HEMK2: variants seen among roughly 807,000 people sequenced by gnomAD.
HEMK2 encodes methyltransferase HEMK2.
chr21:28,642,489 T>A, the HEMK2 span, among the ~76,000 whole-genome samples: 1 of 152,122 alleles, frequency 6.6e-6, no homozygotes, highest in Non-Finnish European at 1.5e-5. Context: ...TTACTACCAA[T>A]CCTCTTTCAG....
chr21:28,856,953 T>TAGGAAAGTGGCTGAAGCCAGGG, the HEMK2 span, among the ~76,000 whole-genome samples: 1 of 152,090 alleles, frequency 6.6e-6, no homozygotes, highest in Non-Finnish European at 1.5e-5. Context: ...TTCATTCCCC[T>TAGGAAAGTGGCTGAAGCCAGGG]AGGAAAGTGG....
At chr21:28,768,524 C>T in the HEMK2 span, among the ~76,000 whole-genome samples, 1 of 152,072 alleles carries the variant, frequency 6.6e-6, no homozygotes, top group Non-Finnish European at 1.5e-5. Flanking sequence ...ACCTTATTCT[C>T]CCTTTCCTCA....
At chr21:28,659,965 A>G in the HEMK2 span, among the ~76,000 whole-genome samples, 1 of 152,024 alleles carries the variant, frequency 6.6e-6, no homozygotes, top group Admixed American at 6.6e-5. Context: ...CTTTCTATTT[A>G]TTAGATCCTT....
At chr21:28,607,283 C>T in the HEMK2 span, among the ~76,000 whole-genome samples, 3 of 152,144 alleles carry the variant, frequency 2.0e-5, no homozygotes, top group East Asian at 5.8e-4. Context: ...TGGTGGCATG[C>T]ACCTGTAGTC....
the HEMK2 span, among the ~76,000 whole-genome samples, chr21:28,663,767 T>A: frequency 6.6e-6 from 1 of 152,208 alleles, no homozygotes; most frequent in Non-Finnish European, 1.5e-5. Flanking sequence ...CTCACTTCAA[T>A]GTGGAGTTAA....
chr21:28,662,181 G>A, the HEMK2 span, among the ~76,000 whole-genome samples: 2 of 152,188 alleles, frequency 1.3e-5, no homozygotes, highest in South Asian at 2.1e-4. Context: ...AGGGAAATGA[G>A]GGTGGGCGGG....
chr21:28,750,660 C>T, the HEMK2 span, among the ~76,000 whole-genome samples: 3 of 140,810 alleles, frequency 2.1e-5, no homozygotes, highest in African/African-American at 2.8e-5. Flanking sequence ...GAGATCGCAC[C>T]GTTGCACTCC....
chr21:28,641,229 G>T, the HEMK2 span, among the ~76,000 whole-genome samples: 2 of 152,124 alleles, frequency 1.3e-5, no homozygotes, highest in African/African-American at 2.4e-5. Flanking sequence ...TACAACTCCA[G>T]GGGAAAGTAC....
At chr21:28,828,270 G>A in the HEMK2 span, among the ~76,000 whole-genome samples, 9 of 152,210 alleles carry the variant, frequency 5.9e-5, no homozygotes, top group Non-Finnish European at 1.0e-4. Flanking sequence ...AGTAAGTAAG[G>A]AGGAAGGGGT....
chr21:28,606,184 C>T, the HEMK2 span, among the ~76,000 whole-genome samples: 14 of 152,006 alleles, frequency 9.2e-5, no homozygotes, highest in Middle Eastern at 3.4e-3. Flanking sequence ...GCGGGCAATC[C>T]AAGCCCCAAG....
the HEMK2 span, among the ~76,000 whole-genome samples, chr21:28,778,350 A>T: frequency 3.9e-5 from 6 of 152,260 alleles, 1 homozygote; most frequent in South Asian, 1.2e-3. Context: ...GTCATGGTTT[A>T]ACTATTCGTT....
the HEMK2 span, among the ~76,000 whole-genome samples, chr21:28,838,972 A>ATAT: frequency 3.4e-5 from 1 of 29,156 alleles, no homozygotes; most frequent in African/African-American, 1.9e-4. Flanking sequence ...AAAAAAAAAA[A>ATAT]ATATATATAT....
chr21:28,640,156 G>A, the HEMK2 span, among the ~76,000 whole-genome samples: 16 of 152,338 alleles, frequency 1.1e-4, no homozygotes, highest in East Asian at 1.9e-3. Context: ...ACCAGGGAAT[G>A]GGGAGGGAAG....
the HEMK2 span, among the ~76,000 whole-genome samples, chr21:28,605,734 T>C: frequency 6.6e-6 from 1 of 152,214 alleles, no homozygotes; most frequent in Non-Finnish European, 1.5e-5. Context: ...GTATCGTGTG[T>C]TTATGTGTGT....
chr21:28,718,906 A>G, the HEMK2 span, among the ~76,000 whole-genome samples: 2 of 152,200 alleles, frequency 1.3e-5, no homozygotes, highest in Admixed American at 6.5e-5. Context: ...AAATCTGTCA[A>G]TGATTGTGCA....
At chr21:28,724,349 T>C in the HEMK2 span, among the ~76,000 whole-genome samples, 1 of 152,192 alleles carries the variant, frequency 6.6e-6, no homozygotes, top group Non-Finnish European at 1.5e-5. Flanking sequence ...TAAAATGTAA[T>C]ATGCAAATAA....
At chr21:28,753,047 G>A in the HEMK2 span, among the ~76,000 whole-genome samples, 7 of 152,178 alleles carry the variant, frequency 4.6e-5, no homozygotes, top group Admixed American at 2.0e-4. Flanking sequence ...AGGCTGTGGT[G>A]ATGCCTTGGT....
At chr21:28,717,891 T>G in the HEMK2 span, among the ~76,000 whole-genome samples, 1 of 152,298 alleles carries the variant, frequency 6.6e-6, no homozygotes, top group South Asian at 2.1e-4. Flanking sequence ...TTTGGTTTTC[T>G]TGGTCCTTTG....
At chr21:28,619,326 C>T in the HEMK2 span, among the ~76,000 whole-genome samples, 1 of 152,120 alleles carries the variant, frequency 6.6e-6, no homozygotes, top group Non-Finnish European at 1.5e-5. Flanking sequence ...TAATTTTGTG[C>T]CTTATGAGAA....
Sources: gnomAD v4.1 joint callset for allele counts (sites outside exome capture counted in the v4.1 genomes callset) on GRCh38, gnomAD v4.1.1 for gene constraint, MANE v1.5 for transcripts, NCBI Gene and HGNC (gene_info 2026-07-23, HGNC 2026-07-21) for gene names.